RBMS3: variants seen among roughly 807,000 people sequenced by gnomAD.
The protein encoded by RBMS3 is RNA-binding motif, single-stranded-interacting protein 3.
Under a neutral mutation model 66.8 loss-of-function variants are expected in RBMS3, and 27 were observed. The ratio of observed to expected loss-of-function variants is 0.40; its 90% CI spans 0.30 to 0.56. RBMS3 has a LOEUF of 0.56. Among genes scored for constraint, RBMS3 ranks in the 20% least tolerant of loss-of-function variants. The pLI is 0.40. For synonymous variants in RBMS3, 188 were observed against 183.0 expected, an observed-to-expected ratio of 1.03 and a Z score of -0.22; for missense variants, 513 against 549.5, an observed-to-expected ratio of 0.93 and a Z score of 0.66.
chr3:29,804,014 C>T (rs1476145791), intron 6 of RBMS3, among the ~76,000 whole-genome samples: 1 of 151,918 alleles, frequency 6.6e-6, no homozygotes, highest in Non-Finnish European at 1.5e-5. Context: ...TTAGAGAACA[C>T]CTAATCCAAA....
At chr3:29,619,109 G>A (rs2048773974) in intron 4 of RBMS3, among the ~76,000 whole-genome samples, 2 of 151,992 alleles carry the variant, frequency 1.3e-5, no homozygotes, top group Non-Finnish European at 2.9e-5. Flanking sequence ...GAGAACACAT[G>A]GACACAGGGA....
intron 12 of RBMS3, among the ~76,000 whole-genome samples, chr3:29,955,227 A>T (rs927707158): frequency 2.0e-5 from 3 of 151,906 alleles, no homozygotes; most frequent in South Asian, 4.1e-4. Context: ...GCTAACATCG[A>T]AGTGAAGGGG....
At chr3:29,657,703 CT>C in intron 4 of RBMS3, among the ~76,000 whole-genome samples, 1 of 152,250 alleles carries the variant, frequency 6.6e-6, no homozygotes, top group South Asian at 2.1e-4. Flanking sequence ...TATGGAGTGA[CT>C]TTGATTAGTG....
chr3:29,859,727 G>T (rs2059165911), intron 6 of RBMS3, among the ~76,000 whole-genome samples: 1 of 152,144 alleles, frequency 6.6e-6, no homozygotes, highest in South Asian at 2.1e-4. Context: ...TAACCAAATA[G>T]CTTCCTTTGC....
rs549769162 is a variant in RBMS3, at chr3:29,307,048, A to T, written c.75+25292A>T. On this transcript the variant is annotated intron_variant, in intron 1 of 14. Coordinates refer to ENST00000383767, the MANE Select transcript of RBMS3 (RefSeq NM_001003793.3). ...TTAAAAGAAAACGCACTGTTTTAAA[A>T]TTATATTCACTGCTTAATTTATTGA... Among the ~76,000 whole-genome samples, 112 of 152,084 alleles carry T rather than the reference A, an allele frequency of 7.4e-4. 1 individual carries two copies. Among genetic ancestry groups the T allele is most frequent in the African/African-American group, 2.6e-3 (107 of 41,554 alleles).
chr3:29,801,635 T>G (rs1465159977), intron 6 of RBMS3, among the ~76,000 whole-genome samples: 1 of 152,180 alleles, frequency 6.6e-6, no homozygotes, highest in African/African-American at 2.4e-5. Flanking sequence ...TTTTTCTTCC[T>G]CATTTATGAG....
At chr3:29,712,697 C>G (rs2053226570) in intron 4 of RBMS3, among the ~76,000 whole-genome samples, 1 of 152,108 alleles carries the variant, frequency 6.6e-6, no homozygotes, top group Non-Finnish European at 1.5e-5. Flanking sequence ...GCTGGAAGAC[C>G]ATATAGAACA....
intron 10 of RBMS3, among the ~76,000 whole-genome samples, chr3:29,909,144 A>G (rs2060457445): frequency 2.6e-5 from 4 of 152,126 alleles, no homozygotes; most frequent in Admixed American, 2.6e-4. Flanking sequence ...TTTATATTAG[A>G]GAACGAGGGA....
At chr3:29,553,461 GGTCTTTT>G (rs1162305871) in intron 3 of RBMS3, among the ~76,000 whole-genome samples, 7 of 152,110 alleles carry the variant, frequency 4.6e-5, no homozygotes, top group South Asian at 2.1e-4. Context: ...GAGGGGATCA[GGTCTTTT>G]TACACCCCTC....
intron 1 of RBMS3, among the ~76,000 whole-genome samples, chr3:29,302,918 G>A (rs2033776573): frequency 6.6e-6 from 1 of 151,960 alleles, no homozygotes. Context: ...TGATCATAAA[G>A]GGATGTTTTA....
At chr3:29,864,950 A>G in intron 6 of RBMS3, among the ~76,000 whole-genome samples, 2 of 103,620 alleles carry the variant, frequency 1.9e-5, no homozygotes, top group African/African-American at 3.9e-5. Context: ...GGAAGGAGGG[A>G]AGGAAGGAAG....
At chr3:29,817,705 C>A (rs2057952037) in intron 6 of RBMS3, among the ~76,000 whole-genome samples, 1 of 151,938 alleles carries the variant, frequency 6.6e-6, no homozygotes, top group South Asian at 2.1e-4. Context: ...TACAATGTCA[C>A]CTTCCATTTT....
intron 1 of RBMS3, among the ~76,000 whole-genome samples, chr3:29,297,088 G>A (rs2033326717): frequency 6.6e-6 from 1 of 151,638 alleles, no homozygotes; most frequent in Non-Finnish European, 1.5e-5. Context: ...CTCTGAGTGT[G>A]CTAGTAGAGT....
At chr3:29,387,523 G>C (rs1168772482) in intron 1 of RBMS3, among the ~76,000 whole-genome samples, 1 of 152,050 alleles carries the variant, frequency 6.6e-6, no homozygotes. Flanking sequence ...CTATGGTATG[G>C]CAATACATTT....
At chr3:29,383,388 A>C (rs928641834) in intron 1 of RBMS3, among the ~76,000 whole-genome samples, 8 of 152,182 alleles carry the variant, frequency 5.3e-5, no homozygotes, top group Non-Finnish European at 7.4e-5. Flanking sequence ...TATTTTGGCT[A>C]TCAGTCTTTC....
At chr3:29,992,172 C>T (rs1001457157) in intron 14 of RBMS3, among the ~76,000 whole-genome samples, 4 of 151,916 alleles carry the variant, frequency 2.6e-5, no homozygotes, top group Admixed American at 6.6e-5. Flanking sequence ...AGTGCTGCTC[C>T]GTTATTTAAA....
intron 5 of RBMS3, among the ~76,000 whole-genome samples, chr3:29,746,662 T>G (rs2054908454): frequency 6.6e-6 from 1 of 152,186 alleles, no homozygotes; most frequent in South Asian, 2.1e-4. Flanking sequence ...TGGAGAGTGA[T>G]GAACATTCTA....
chr3:29,523,875 C>T (rs2044966959), intron 3 of RBMS3, among the ~76,000 whole-genome samples: 5 of 152,140 alleles, frequency 3.3e-5, no homozygotes, highest in Admixed American at 1.3e-4. Context: ...GCTGGGATTA[C>T]AGAAATTTGC....
chr3:29,532,703 C>T lies in RBMS3; in HGVS notation c.307+44204C>T, dbSNP rs143133209. The stretch of plus-strand genomic sequence containing the variant: ...ATGATTGTGCCACTGCCCTCTAGTG[C>T]GGACAACGTAGCCAGATCCAGTCTC... On this transcript the variant is annotated intron_variant, in intron 3 of 14. Coordinates refer to ENST00000383767, the MANE Select transcript of RBMS3 (RefSeq NM_001003793.3). Among the ~76,000 whole-genome samples the T allele has an allele frequency of 1.9e-3, 291 of 152,072 alleles. 2 individuals are homozygous for T. Among genetic ancestry groups the T allele is most frequent in the African/African-American group, 6.6e-3 (274 of 41,476 alleles).
Sources: gnomAD v4.1 joint callset for allele counts (sites outside exome capture counted in the v4.1 genomes callset) on GRCh38, gnomAD v4.1.1 for gene constraint, MANE v1.5 for transcripts, NCBI Gene and HGNC (gene_info 2026-07-23, HGNC 2026-07-21) for gene names.